CHST15: variants seen among roughly 807,000 people sequenced by gnomAD.
CHST15 encodes the protein B cell RAG associated protein (GALNAC4S-6ST).
A neutral mutation model predicts 53.6 loss-of-function variants in CHST15; 30 were observed. The observed-to-expected ratio is 0.56, with a 90% CI of 0.42 to 0.76. The LOEUF is 0.76. Ranked by LOEUF, CHST15 falls within the 30% of genes least tolerant of loss-of-function variation. The probability of loss-of-function intolerance (pLI) is 0.00; values close to 1 mark genes in which losing one functional copy is unlikely to be tolerated. For synonymous variants in CHST15, 296 were observed against 289.8 expected (o/e 1.02, Z -0.22); for missense variants, 627 against 740.5 (o/e 0.85, Z 1.78).
intron 1 of CHST15, among the ~76,000 whole-genome samples, chr10:124,061,480 C>G (rs891403775): frequency 1.8e-4 from 27 of 152,210 alleles, no homozygotes; most frequent in African/African-American, 5.8e-4. Flanking sequence ...TCTAATTAAA[C>G]CCCTTATTCT....
intron 1 of CHST15, among the ~76,000 whole-genome samples, chr10:124,051,099 C>T (rs555799154): frequency 1.7e-4 from 26 of 152,070 alleles, no homozygotes; most frequent in Admixed American, 1.6e-3. Flanking sequence ...TGCATCACTG[C>T]GCCCGGCTAA....
At chr10:124,076,795 C>T (rs1351423570) in intron 1 of CHST15, among the ~76,000 whole-genome samples, 4 of 151,884 alleles carry the variant, frequency 2.6e-5, no homozygotes, top group African/African-American at 4.8e-5. Flanking sequence ...CTGCAAGCTC[C>T]GCCTTCCGGG....
chr10:124,069,675 G>A (rs887823527), intron 1 of CHST15, among the ~76,000 whole-genome samples: 1 of 152,166 alleles, frequency 6.6e-6, no homozygotes, highest in Non-Finnish European at 1.5e-5. Flanking sequence ...GGCAGAGCAG[G>A]GGACCCAGAA....
intron 1 of CHST15, among the ~76,000 whole-genome samples, chr10:124,086,646 C>A (rs537910488): frequency 4.3e-4 from 63 of 145,258 alleles, no homozygotes; most frequent in Non-Finnish European, 7.4e-4. Flanking sequence ...ATGTGGATTT[C>A]CACCTGCCTT....
At position 124,044,849 on chromosome 10, in the gene CHST15, C is replaced by A; in HGVS notation, c.617G>T (p.Gly206Val). Residue 206 changes from glycine to valine, a missense_variant, in exon 3 of 8, where the codon GGG (glycine) becomes GTG (valine). Gly to Val is a moderately radical substitution (Grantham distance 109, BLOSUM62 -3). Around this residue, in one of 3 missense-constraint regions of CHST15, gnomAD observed 161 missense variants for 117.2 expected, o/e 1.37. Transcript: ENST00000435907. ...KSPCWYEEFS[G>V]QNTTDPYLTN... The stretch of plus-strand genomic sequence containing the variant: ...GAGGTAGGGGTCGGTGGTGTTCTGC[C>A]CCGAGAACTCCTCGTACCAACAGGG... 1 of 1,508,692 alleles carries A rather than the reference C, an allele frequency of 6.6e-7. No homozygotes were observed. Among genetic ancestry groups the A allele is most frequent in the Admixed American group, 2.2e-5 (1 of 44,930 alleles). 93.5% of individuals were successfully genotyped at this position (1,508,692 alleles called of 1,614,324 possible). A position where few individuals can be genotyped will look rare whatever the true frequency, so the allele number is the denominator to read the frequency against.
rs999146711 is a variant in CHST15, at chr10:124,019,901, G to C, written c.1347+1355C>G. ...GCGGCTGGCTGCGTTCTGTATGGTAGGTGGTGCTGACCACTGGGCCTCTGC... is the reference window on the plus strand; with the variant it reads ...GCGGCTGGCTGCGTTCTGTATGGTACGTGGTGCTGACCACTGGGCCTCTGC... On this transcript the variant is annotated intron_variant, in intron 6 of 7. Transcript: ENST00000435907. This position sits in a 1 kb window ranked among gnomAD's most constrained non-coding sequence, Gnocchi z 4.6. The C allele has an allele frequency of 5.1e-6, 5 of 985,988 alleles. No individual in the cohort carries two copies. In the African/African-American group the frequency reaches 7.0e-5, roughly 14 times the overall value. The allele number at this position is 985,988 out of a possible 1,614,324, so 61.1% of individuals were successfully genotyped here.
At chr10:124,078,633 T>C (rs532521565) in intron 1 of CHST15, among the ~76,000 whole-genome samples, 1 of 152,336 alleles carries the variant, frequency 6.6e-6, no homozygotes, top group East Asian at 1.9e-4. Context: ...AAATTCATCC[T>C]CCAGTATTTG....
In CHST15 at chr10:124,008,663, C is replaced by T; in HGVS notation, c.*1486G>A. The stretch of plus-strand genomic sequence containing the variant: ...GAACAACTGCAGATCCTCCTACCCC[C>T]GAAGCCTGGTCTGTCTCACACATAC... On this transcript the variant is annotated 3_prime_UTR_variant, in exon 8 of 8. Transcript: ENST00000435907. 14 of 1,045,370 alleles carry T rather than the reference C, an allele frequency of 1.3e-5. No individual in the cohort carries two copies. The highest frequency in any genetic ancestry group is 1.5e-5 in the Non-Finnish European group (13 of 862,218). 64.8% of individuals were successfully genotyped at this position (1,045,370 alleles called of 1,614,324 possible).
chr10:124,046,285 A>C lies in CHST15; in HGVS notation c.-73T>G, dbSNP rs961641615. 1 of 1,428,160 alleles carries C rather than the reference A, an allele frequency of 7.0e-7. No individual in the cohort carries two copies. The highest frequency in any genetic ancestry group is 2.3e-5 in the Admixed American group (1 of 43,390). 88.5% of individuals were successfully genotyped at this position (1,428,160 alleles called of 1,614,324 possible). On this transcript the variant is annotated 5_prime_UTR_variant, in exon 2 of 8. Coordinates refer to ENST00000435907, the MANE Select transcript of CHST15 (RefSeq NM_001270764.2). ...CCCCCCACGAGTCTGGATGTCCGCAAGTCGTGCTAGAAAACCTTAAGAATG... is the reference window on the plus strand; with the variant it reads ...CCCCCCACGAGTCTGGATGTCCGCACGTCGTGCTAGAAAACCTTAAGAATG...
At chr10:124,044,132 GA>G (rs1468888229) in intron 3 of CHST15, among the ~76,000 whole-genome samples, 2 of 142,644 alleles carry the variant, frequency 1.4e-5, no homozygotes, top group Admixed American at 8.1e-5. Flanking sequence ...GCACAGAGCA[GA>G]GGACCGGCAC....
At chr10:124,025,389 C>G (rs566527397) in intron 5 of CHST15, among the ~76,000 whole-genome samples, 233 of 152,318 alleles carry the variant, frequency 1.5e-3, no homozygotes, top group African/African-American at 5.2e-3. Context: ...GCTCCTTCCT[C>G]GGCTGGATGA....
intron 6 of CHST15, among the ~76,000 whole-genome samples, chr10:124,017,272 G>A (rs984596084): frequency 6.6e-6 from 1 of 152,108 alleles, no homozygotes; most frequent in Non-Finnish European, 1.5e-5. Flanking sequence ...GCCCACACCT[G>A]CCCCACTTTT....
intron 1 of CHST15, among the ~76,000 whole-genome samples, chr10:124,058,093 G>A (rs1948440877): frequency 6.6e-6 from 1 of 152,176 alleles, no homozygotes. Flanking sequence ...ATTATTTCCA[G>A]TAGTAAATCA....
intron 6 of CHST15, among the ~76,000 whole-genome samples, chr10:124,013,219 C>T (rs1283891577): frequency 1.3e-5 from 2 of 152,142 alleles, no homozygotes; most frequent in African/African-American, 4.8e-5. Context: ...GGGCTTTGGT[C>T]ATAGGCAGGC....
intron 5 of CHST15, among the ~76,000 whole-genome samples, chr10:124,038,094 T>C (rs1490617158): frequency 6.7e-6 from 1 of 150,272 alleles, no homozygotes; most frequent in African/African-American, 2.4e-5. Context: ...TTTATTTTTG[T>C]TTGTTTTTAT....
At chr10:124,044,055 C>T (rs1450996429) in intron 3 of CHST15, among the ~76,000 whole-genome samples, 1 of 150,444 alleles carries the variant, frequency 6.6e-6, no homozygotes, top group Non-Finnish European at 1.5e-5. Context: ...AGGAACAGCA[C>T]AGAGCAGGGG....
chr10:124,044,837 G>A lies in CHST15; in HGVS notation c.629C>T (p.Thr210Ile), dbSNP rs1947904330. The A allele has an allele frequency of 1.3e-6, 2 of 1,549,860 alleles. No homozygotes were observed. The highest frequency in any genetic ancestry group is 2.4e-5 in the East Asian group (1 of 41,952). Residue 210 changes from threonine to isoleucine, a missense_variant, in exon 3 of 8, where the codon ACC becomes ATC. By Grantham distance (89) the Thr-to-Ile change is moderately conservative. Around this residue, in one of 3 missense-constraint regions of CHST15, gnomAD observed 161 missense variants for 117.2 expected, o/e 1.37. Transcript: ENST00000435907. ...GTAGGAGTTGGTGAGGTAGGGGTCG[G>A]TGGTGTTCTGCCCCGAGAACTCCTC... is the stretch of plus-strand genomic sequence containing the variant. The part of the protein sequence containing the change: ...WYEEFSGQNT[T>I]DPYLTNSYVL...
At chr10:124,015,714 T>C (rs959072662) in intron 6 of CHST15, among the ~76,000 whole-genome samples, 1 of 152,254 alleles carries the variant, frequency 6.6e-6, no homozygotes, top group Non-Finnish European at 1.5e-5. Flanking sequence ...GCAATGGTGA[T>C]TTGCTGCTAA....
In CHST15 at chr10:124,010,154, T is replaced by C. The variant is rs771680734; in HGVS notation, c.1681A>G (p.Thr561Ala). 1 of 1,612,582 alleles carries C rather than the reference T, an allele frequency of 6.2e-7. No homozygotes were observed. Among genetic ancestry groups the C allele is most frequent in the Admixed American group, 1.7e-5 (1 of 60,032 alleles). Residue 561 changes from threonine (T) to alanine (A), a missense_variant, in exon 8 of 8, where the codon ACG (threonine) becomes GCG (alanine). Transcript: ENST00000435907. Reference sequence around the variant, plus strand: ...GTGCAGCAACAATTCAGCTCTCACGTCGTCTTCCACGCAAACGCCTCATCC... The same window carrying C: ...GTGCAGCAACAATTCAGCTCTCACGCCGTCTTCCACGCAAACGCCTCATCC... ...LADEAFAWKT[T>A]
Sources: allele counts gnomAD v4.1 joint callset (sites outside exome capture counted in the v4.1 genomes callset), GRCh38; gene constraint gnomAD v4.1.1; regional missense constraint gnomAD v4.1.1; non-coding constraint Gnocchi (gnomAD v3.1); transcripts MANE v1.5; gene names NCBI Gene and HGNC (gene_info 2026-07-23, HGNC 2026-07-21).